The following LYRM4 variants were observed in gnomAD, a reference collection of about 807,000 sequenced individuals.
LYRM4 encodes the protein LYR motif containing 4, also known as LYR motif-containing protein 4.
A neutral mutation model predicts 11.7 loss-of-function variants in LYRM4; 9 were observed. The ratio of observed to expected loss-of-function variants is 0.77; its 90% CI spans 0.46 to 1.34. The LOEUF (loss-of-function observed/expected upper bound fraction) is 1.34, where lower values mean the gene tolerates loss of function less well. LYRM4 is among the 40% of genes most tolerant of loss of function. The pLI is 0.00. For synonymous variants in LYRM4, 42 were observed against 40.4 expected, an observed-to-expected ratio of 1.04 and a Z score of -0.15; for missense variants, 133 against 112.5, an observed-to-expected ratio of 1.18 and a Z score of -0.82.
At chr6:5,132,281 A>C (rs6937982) in intron 2 of LYRM4, among the ~76,000 whole-genome samples, 1 of 152,036 alleles carries the variant, frequency 6.6e-6, no homozygotes, top group Non-Finnish European at 1.5e-5. Flanking sequence ...CATAATATTC[A>C]TATTTCCTTA....
chr6:5,237,268 G>C (rs912043172), intron 1 of LYRM4, among the ~76,000 whole-genome samples: 1 of 152,106 alleles, frequency 6.6e-6, no homozygotes, highest in Non-Finnish European at 1.5e-5. Context: ...CAGATCAGTG[G>C]TGGCATTAGA....
intron 2 of LYRM4, among the ~76,000 whole-genome samples, chr6:5,131,891 C>T (rs6914985): frequency 0.3 from 45,954 of 152,044 alleles, 7,340 homozygotes; most frequent in South Asian, 0.39. Context: ...ATACAACTCA[C>T]GATTGAGAGG....
In LYRM4 at chr6:5,108,858, G is replaced by A. The variant is rs1762751530; in HGVS notation, c.*565C>T. ...CGTCACCTTTGTTGTACTGGGCTCA[G>A]GTATAAGTTGCAGGGTGCACCGTGT... On this transcript the variant is annotated 3_prime_UTR_variant, in exon 3 of 3. Coordinates refer to ENST00000330636, the MANE Select transcript of LYRM4 (RefSeq NM_020408.6). 1.0e-6 allele frequency: 1 copy of A among 987,010 alleles called. No homozygotes were observed. The highest frequency in any genetic ancestry group is 1.7e-5 in the African/African-American group (1 of 57,226). The allele number at this position is 987,010 out of a possible 1,614,324, so 61.1% of individuals were successfully genotyped here.
the LYRM4 span, among the ~76,000 whole-genome samples, chr6:5,092,682 C>T: frequency 0.56 from 85,103 of 151,658 alleles, 25,481 homozygotes; most frequent in East Asian, 0.89. Context: ...CGTGCCACTG[C>T]GCTCTGGCCT....
At chr6:5,225,224 G>T (rs1762809942) in intron 1 of LYRM4, among the ~76,000 whole-genome samples, 1 of 149,596 alleles carries the variant, frequency 6.7e-6, no homozygotes, top group Non-Finnish European at 1.5e-5. Flanking sequence ...CTCCAGCCTG[G>T]GTGACAGAGC....
intron 1 of LYRM4, among the ~76,000 whole-genome samples, chr6:5,246,990 G>A (rs1764225690): frequency 6.6e-6 from 1 of 152,148 alleles, no homozygotes; most frequent in African/African-American, 2.4e-5. Context: ...ATACGTCAGA[G>A]CCTCAAGTGA....
chr6:5,122,726 C>T (rs369740422), intron 2 of LYRM4, among the ~76,000 whole-genome samples: 1 of 152,208 alleles, frequency 6.6e-6, no homozygotes, highest in African/African-American at 2.4e-5. Context: ...CCTCTGCGCT[C>T]GTGGGCCAAC....
chr6:5,066,764 A>G, the LYRM4 span: 1 of 742,832 alleles, frequency 1.3e-6, no homozygotes, highest in Non-Finnish European at 2.4e-6. Flanking sequence ...TGGTTACGTA[A>G]CGCTTAAAGT....
At chr6:5,154,560 T>A (rs568670645) in intron 2 of LYRM4, among the ~76,000 whole-genome samples, 10 of 151,950 alleles carry the variant, frequency 6.6e-5, no homozygotes, top group Non-Finnish European at 1.5e-4. Context: ...CTCAAGCCTG[T>A]AATCCCAGGA....
intron 1 of LYRM4, among the ~76,000 whole-genome samples, chr6:5,245,106 AAAAAAAAATATATAT>A (rs1478378516): frequency 5.7e-5 from 3 of 52,410 alleles, no homozygotes; most frequent in African/African-American, 7.9e-5. Flanking sequence ...AAAAAAAAAA[AAAAAAAAATATATAT>A]ATATATATAT....
At chr6:5,164,996 T>G (rs1581416399) in intron 2 of LYRM4, among the ~76,000 whole-genome samples, 2 of 149,618 alleles carry the variant, frequency 1.3e-5, no homozygotes, top group East Asian at 2.0e-4. Flanking sequence ...AATTTACTAG[T>G]GCCAAGAGAA....
downstream of LYRM4, among the ~76,000 whole-genome samples, chr6:5,102,378 G>A (rs1762532311): frequency 6.6e-6 from 1 of 152,106 alleles, no homozygotes; most frequent in African/African-American, 2.4e-5. Context: ...AATCACACAT[G>A]TGCATGTAAA....
chr6:5,095,748 G>A, the LYRM4 span, among the ~76,000 whole-genome samples: 1 of 151,982 alleles, frequency 6.6e-6, no homozygotes, highest in Non-Finnish European at 1.5e-5. Context: ...AAGGCCGAGA[G>A]GCAGGTGGGT....
intron 2 of LYRM4, among the ~76,000 whole-genome samples, chr6:5,195,175 T>C (rs970664935): frequency 6.6e-6 from 1 of 152,200 alleles, no homozygotes; most frequent in Non-Finnish European, 1.5e-5. Flanking sequence ...CTGCAAAATC[T>C]TGAAGTTTAC....
chr6:5,259,648 T>C (rs1221103019), intron 1 of LYRM4, among the ~76,000 whole-genome samples: 1 of 152,176 alleles, frequency 6.6e-6, no homozygotes, highest in Non-Finnish European at 1.5e-5. Flanking sequence ...TAACCAGGTG[T>C]GTTCCAAGGG....
At chr6:5,151,778 C>T (rs1458193926) in intron 2 of LYRM4, among the ~76,000 whole-genome samples, 2 of 152,190 alleles carry the variant, frequency 1.3e-5, no homozygotes, top group Admixed American at 6.5e-5. Context: ...ATCCACCTCA[C>T]CGGATTACTG....
At chr6:5,062,593 C>T in the LYRM4 span, among the ~76,000 whole-genome samples, 1 of 152,168 alleles carries the variant, frequency 6.6e-6, no homozygotes, top group East Asian at 1.9e-4. Context: ...ATGGTATCAC[C>T]GAGGCAGCAT....
intron 1 of LYRM4, 35 bp downstream of exon 1, chr6:5,260,598 TCCCCGGCCCCTGGCC>T: frequency 9.0e-7 from 1 of 1,105,568 alleles, no homozygotes; most frequent in Non-Finnish European, 1.3e-6. Flanking sequence ...GCACCCCCGG[TCCCCGGCCCCTGGCC>T]CCCCGCCCCC....
At chr6:5,091,499 C>T in the LYRM4 span, among the ~76,000 whole-genome samples, 2 of 152,198 alleles carry the variant, frequency 1.3e-5, no homozygotes, top group Non-Finnish European at 2.9e-5. Flanking sequence ...TAACTTCAGG[C>T]GCATTCAGAT....
Sources: gnomAD v4.1 joint callset for allele counts (sites outside exome capture counted in the v4.1 genomes callset) on GRCh38, gnomAD v4.1.1 for gene constraint, MANE v1.5 for transcripts, NCBI Gene and HGNC (gene_info 2026-07-23, HGNC 2026-07-21) for gene names.